Variants in FHIT observed in about 807,000 individuals in gnomAD.
FHIT encodes fragile histidine triad diadenosine triphosphatase.
In FHIT, 19 loss-of-function variants were observed where a neutral mutation model predicts 17.9. The ratio of observed to expected loss-of-function variants is 1.06; its 90% CI spans 0.74 to 1.56. The LOEUF (loss-of-function observed/expected upper bound fraction) is 1.56. Ranked by LOEUF, FHIT falls within the 40% of genes most tolerant of loss-of-function variation. FHIT has a pLI of 0.00. For missense variants in FHIT, 248 were observed against 189.2 expected (o/e 1.31, Z -1.82); for synonymous variants, 81 against 69.7 (o/e 1.16, Z -0.81).
rs188894640 is a variant in FHIT at position 59,996,651 on chromosome 3, A to G, written c.279+14720T>C. 2.6e-5 allele frequency among the ~76,000 whole-genome samples: 4 copies of G among 152,252 alleles called. No homozygotes were observed. The East Asian group carries it at 7.7e-4, about 29-fold the overall frequency. On this transcript the variant is annotated intron_variant, in intron 7 of 9. Transcript: ENST00000492590. ...CCAAAGGGCTCCAGACACCCTTTGT[A>G]TGCCTACTGAAAGAAAAATGATTAG... is the stretch of plus-strand genomic sequence containing the variant.
chr3:60,357,763 A>C (rs1699736898), intron 5 of FHIT, among the ~76,000 whole-genome samples: 1 of 152,220 alleles, frequency 6.6e-6, no homozygotes, highest in African/African-American at 2.4e-5. Context: ...AGCATATTTT[A>C]AAAGCATTGA....
At chr3:60,667,452 A>T (rs535981097) in intron 4 of FHIT, among the ~76,000 whole-genome samples, 1 of 151,654 alleles carries the variant, frequency 6.6e-6, no homozygotes, top group African/African-American at 2.4e-5. Context: ...TTATTTCTAG[A>T]ATTTTTATTC....
Position 61,041,300 on chromosome 3 carries a change from C to G in FHIT, c.-111+747G>C, listed in dbSNP as rs920877223. Among the ~76,000 whole-genome samples, 4 of 152,030 alleles carry G rather than the reference C, an allele frequency of 2.6e-5. 1 individual carries two copies. The South Asian group carries it at 8.4e-4, about 32-fold the overall frequency. On this transcript the variant is annotated intron_variant, in intron 3 of 9. Coordinates refer to ENST00000492590, the MANE Select transcript of FHIT (RefSeq NM_002012.4). ...GCTGAGGCAGGACAATCACTTGAAC[C>G]TGGGAGGCAGAAGTTGCGGTGAGCT...
chr3:61,189,726 C>A (rs2038651296), intron 2 of FHIT, among the ~76,000 whole-genome samples: 2 of 152,028 alleles, frequency 1.3e-5, no homozygotes, highest in East Asian at 1.9e-4. Flanking sequence ...GTACTGGTAC[C>A]AAAACAGAGA....
chr3:60,832,283 A>C (rs1177707646), intron 3 of FHIT, among the ~76,000 whole-genome samples: 1 of 152,190 alleles, frequency 6.6e-6, no homozygotes, highest in Admixed American at 6.5e-5. Flanking sequence ...CCAATGAGGA[A>C]ACAGAGGCAA....
At chr3:60,647,526 G>A (rs2039889564) in intron 4 of FHIT, among the ~76,000 whole-genome samples, 1 of 152,132 alleles carries the variant, frequency 6.6e-6, no homozygotes, top group Admixed American at 6.5e-5. Flanking sequence ...CACTTGCCCA[G>A]GTTTATCCCT....
At chr3:61,073,465 G>T (rs751820699) in intron 2 of FHIT, among the ~76,000 whole-genome samples, 1 of 152,186 alleles carries the variant, frequency 6.6e-6, no homozygotes, top group Non-Finnish European at 1.5e-5. Context: ...TGATGGAGAA[G>T]AATAAGCCAG....
chr3:60,446,447 T>G (rs1020684668), intron 5 of FHIT, among the ~76,000 whole-genome samples: 1 of 152,150 alleles, frequency 6.6e-6, no homozygotes, highest in African/African-American at 2.4e-5. Flanking sequence ...TTGAAAGATG[T>G]GGTCCACCTC....
chr3:60,815,019 T>C (rs1180397733), intron 4 of FHIT, among the ~76,000 whole-genome samples: 2 of 151,784 alleles, frequency 1.3e-5, no homozygotes, highest in East Asian at 3.9e-4. Context: ...TTTTCATGTT[T>C]GTTGGCCACT....
At chr3:60,833,124 T>C (rs1702391217) in intron 3 of FHIT, among the ~76,000 whole-genome samples, 1 of 152,172 alleles carries the variant, frequency 6.6e-6, no homozygotes, top group African/African-American at 2.4e-5. Context: ...TGTTCTGAGA[T>C]TTAAGTATGG....
At chr3:60,793,308 C>CTT (rs201439790) in intron 4 of FHIT, among the ~76,000 whole-genome samples, 2 of 146,840 alleles carry the variant, frequency 1.4e-5, no homozygotes, top group African/African-American at 2.5e-5. Flanking sequence ...TTTTCTTTTT[C>CTT]TTTTTTTTTT....
rs561561564 is a variant in FHIT at position 59,905,652 on chromosome 3, A to T, written c.348+16694T>A. On this transcript the variant is annotated intron_variant, in intron 8 of 9. Coordinates refer to ENST00000492590, the MANE Select transcript of FHIT (RefSeq NM_002012.4). ...TCAATAGACTCTATGAGACTTAAAA[A>T]TTTTTTAATTTTAAGCTGTCTCTTA... 2.3e-4 allele frequency among the ~76,000 whole-genome samples: 35 copies of T among 152,296 alleles called. No individual in the cohort carries two copies. In the South Asian group the frequency reaches 5.8e-3, roughly 25 times the overall value.
chr3:61,236,005 AT>A (rs1425133574), intron 1 of FHIT, among the ~76,000 whole-genome samples: 1 of 151,880 alleles, frequency 6.6e-6, no homozygotes, highest in Non-Finnish European at 1.5e-5. Flanking sequence ...GTTTTCATGT[AT>A]TATCTCATTT....
chr3:61,060,280 A>G (rs1245346703), intron 2 of FHIT, among the ~76,000 whole-genome samples: 1 of 152,184 alleles, frequency 6.6e-6, no homozygotes, highest in African/African-American at 2.4e-5. Context: ...TATTTATATC[A>G]ATTAGTCTAT....
intron 7 of FHIT, among the ~76,000 whole-genome samples, chr3:59,986,509 A>ATTTATATTTATACATT (rs1559523233): frequency 0.16 from 2,404 of 15,040 alleles, 346 homozygotes; most frequent in East Asian, 0.21. Flanking sequence ...ATATATATAT[A>ATTTATATTTATACATT]TATATATATA....
chr3:59,983,633 C>G (rs1349882651), intron 7 of FHIT, among the ~76,000 whole-genome samples: 1 of 152,072 alleles, frequency 6.6e-6, no homozygotes, highest in Non-Finnish European at 1.5e-5. Context: ...AATGTATTCC[C>G]TTTAGATAAG....
At chr3:60,033,601 T>G (rs1052328721) in intron 5 of FHIT, among the ~76,000 whole-genome samples, 2 of 152,184 alleles carry the variant, frequency 1.3e-5, no homozygotes, top group African/African-American at 4.8e-5. Flanking sequence ...TGCTGATGTG[T>G]GTAGAGCTAA....
At chr3:60,707,201 A>AC (rs1173314177) in intron 4 of FHIT, among the ~76,000 whole-genome samples, 1 of 152,188 alleles carries the variant, frequency 6.6e-6, no homozygotes, top group Non-Finnish European at 1.5e-5. Flanking sequence ...CACTCTGCAA[A>AC]CCTTTTGCAT....
intron 7 of FHIT, among the ~76,000 whole-genome samples, chr3:59,970,966 C>A (rs1471607148): frequency 6.6e-6 from 1 of 151,572 alleles, no homozygotes; most frequent in Non-Finnish European, 1.5e-5. Context: ...AGCCCCAGAG[C>A]CAGAAAATGT....
Sources: allele counts gnomAD v4.1 joint callset (sites outside exome capture counted in the v4.1 genomes callset), GRCh38; gene constraint gnomAD v4.1.1; transcripts MANE v1.5; gene names NCBI Gene and HGNC (gene_info 2026-07-23, HGNC 2026-07-21).